SLC9B2: variants seen among roughly 807,000 people sequenced by gnomAD.
SLC9B2 encodes sodium/hydrogen exchanger 9B2.
Under a neutral mutation model 52.2 loss-of-function variants are expected in SLC9B2, and 39 were observed. That is an observed-to-expected ratio of 0.75 (90% CI 0.58 to 0.98). SLC9B2 has a LOEUF of 0.98. Ranked by LOEUF, SLC9B2 falls within the 50% of genes least tolerant of loss-of-function variation. The pLI is 0.00. For synonymous variants in SLC9B2, 214 were observed against 227.0 expected (o/e 0.94, Z 0.51); for missense variants, 626 against 637.5 (o/e 0.98, Z 0.19).
intron 1 of SLC9B2, among the ~76,000 whole-genome samples, chr4:103,074,256 G>C (rs1407873595): frequency 1.3e-5 from 2 of 152,174 alleles, no homozygotes; most frequent in Non-Finnish European, 2.9e-5. Flanking sequence ...ATATTACTGA[G>C]CTACTGAACA....
chr4:103,073,245 C>T (rs1036712533), intron 1 of SLC9B2, among the ~76,000 whole-genome samples: 1 of 152,076 alleles, frequency 6.6e-6, no homozygotes, highest in Non-Finnish European at 1.5e-5. Flanking sequence ...GTATTCATGC[C>T]TTTGAAAGAG....
chr4:103,072,081 TGGAGTTTCGCTC>T (rs1746703570), intron 1 of SLC9B2, among the ~76,000 whole-genome samples: 1 of 134,762 alleles, frequency 7.4e-6, no homozygotes. Context: ...TTTTTTGAGG[TGGAGTTTCGCTC>T]TTTTGCCCAG....
Position 103,027,788 on chromosome 4 carries a change from T to G in SLC9B2, c.1392+959A>C, listed in dbSNP as rs550826836. On this transcript the variant is annotated intron_variant, in intron 11 of 11. Transcript: ENST00000394785. ...ACTCTTAGCCATTATGTTTTAGACA[T>G]TTTTGAAAGTCTGATAGGGGTGAGG... Among the ~76,000 whole-genome samples the G allele has an allele frequency of 6.6e-5, 10 of 152,278 alleles. No homozygotes were observed. The East Asian group carries it at 1.9e-3, about 29-fold the overall frequency.
intron 4 of SLC9B2, among the ~76,000 whole-genome samples, chr4:103,054,283 A>G (rs780402102): frequency 3.9e-5 from 6 of 152,210 alleles, no homozygotes; most frequent in South Asian, 2.1e-4. Flanking sequence ...CTCAAAAACA[A>G]AACAAAACAA....
At chr4:103,055,666 C>A (rs1190631351) in intron 4 of SLC9B2, among the ~76,000 whole-genome samples, 1 of 151,168 alleles carries the variant, frequency 6.6e-6, no homozygotes, top group African/African-American at 2.4e-5. Context: ...AAAAAAAAAA[C>A]TGTTCAGGAA....
At chr4:103,059,176 T>C (rs1245202959) in intron 3 of SLC9B2, among the ~76,000 whole-genome samples, 1 of 152,190 alleles carries the variant, frequency 6.6e-6, no homozygotes, top group African/African-American at 2.4e-5. Flanking sequence ...TCAAAACTGG[T>C]GGCCAAAGCA....
rs982949328 is a variant in SLC9B2, at chr4:103,025,552, A to T, written c.*818T>A. The T allele has an allele frequency of 6.6e-6, 1 of 152,200 alleles. No individual in the cohort carries two copies. Among genetic ancestry groups the T allele is most frequent in the Non-Finnish European group, 1.5e-5 (1 of 68,036 alleles). 9.4% of individuals were successfully genotyped at this position (152,200 alleles called of 1,614,324 possible). Reference sequence around the variant, plus strand: ...GCACTGTATTTTTTATTTCTTCATTATAGCACATTACCCTAATGTAATATT... The same window carrying T: ...GCACTGTATTTTTTATTTCTTCATTTTAGCACATTACCCTAATGTAATATT... On this transcript the variant is annotated 3_prime_UTR_variant, in exon 12 of 12. Coordinates refer to ENST00000394785, the MANE Select transcript of SLC9B2 (RefSeq NM_178833.7).
At chr4:103,031,653 G>T in intron 10 of SLC9B2, 47 bp downstream of exon 10, 1 of 1,483,048 alleles carries the variant, frequency 6.7e-7, no homozygotes, top group South Asian at 1.2e-5. Flanking sequence ...TGAGTAGGCT[G>T]ACCAAAAAAA....
downstream of SLC9B2, among the ~76,000 whole-genome samples, chr4:103,021,906 C>T (rs1322608822): frequency 6.6e-6 from 1 of 152,220 alleles, no homozygotes; most frequent in Non-Finnish European, 1.5e-5. Flanking sequence ...TTACCCCATC[C>T]ATCCAGATCC....
chr4:103,020,588 C>T (rs1409065669), downstream of SLC9B2, among the ~76,000 whole-genome samples: 2 of 152,110 alleles, frequency 1.3e-5, no homozygotes, highest in Non-Finnish European at 2.9e-5. Flanking sequence ...AAGATCTGAT[C>T]CAAATTACCG....
downstream of SLC9B2, chr4:103,019,916 A>C: frequency 8.1e-6 from 8 of 987,530 alleles, no homozygotes; most frequent in Non-Finnish European, 9.6e-6. Context: ...AGTTGACATC[A>C]CTGGGCATTT....
downstream of SLC9B2, among the ~76,000 whole-genome samples, chr4:103,018,902 G>A (rs550919118): frequency 5.3e-5 from 8 of 152,320 alleles, no homozygotes; most frequent in East Asian, 1.5e-3. Context: ...TGTCAGATGA[G>A]CAAAGGCATT....
rs962834220 is a variant in SLC9B2 at position 103,025,343 on chromosome 4, T to C, written c.*1027A>G. ...AAGGTCATTGCCAAGGTCTGATTTT[T>C]CACAAAAAATTTTTGCAACCTCTGG... On this transcript the variant is annotated 3_prime_UTR_variant, in exon 12 of 12. Transcript: ENST00000394785. 1 of 152,118 alleles carries C rather than the reference T, an allele frequency of 6.6e-6. No individual in the cohort carries two copies. The highest frequency in any genetic ancestry group is 1.5e-5 in the Non-Finnish European group (1 of 68,024). The allele number at this position is 152,118 out of a possible 1,614,324, so 9.4% of individuals were successfully genotyped here.
At position 103,024,672 on chromosome 4, in the gene SLC9B2, C is replaced by T. The variant is rs142740079; in HGVS notation, c.*1698G>A. Among the ~76,000 whole-genome samples the T allele has an allele frequency of 2.2e-3, 333 of 152,024 alleles. 2 individuals are homozygous for T. The highest frequency in any genetic ancestry group is 7.5e-3 in the African/African-American group (309 of 41,450). On this transcript the variant is annotated 3_prime_UTR_variant, in exon 12 of 12. Transcript: ENST00000394785. ...TTAAAATGAACTTTGAATTCTAGGTCGAGGAGTTTAGATAGGATATGACAA... is the reference window on the plus strand; with the variant it reads ...TTAAAATGAACTTTGAATTCTAGGTTGAGGAGTTTAGATAGGATATGACAA...
chr4:103,034,335 C>T (rs1386863906), intron 9 of SLC9B2, among the ~76,000 whole-genome samples: 2 of 152,236 alleles, frequency 1.3e-5, no homozygotes, highest in Non-Finnish European at 2.9e-5. Context: ...AAATGTAAAA[C>T]CGAAAACTAC....
intron 8 of SLC9B2, 121 bp downstream of exon 8, chr4:103,044,769 T>C: frequency 1.2e-6 from 1 of 815,244 alleles, no homozygotes; most frequent in South Asian, 1.7e-5. Context: ...AGTAAGCAAT[T>C]TTAAAATGAG....
At chr4:103,027,275 G>A (rs1742307744) in intron 11 of SLC9B2, among the ~76,000 whole-genome samples, 1 of 151,962 alleles carries the variant, frequency 6.6e-6, no homozygotes, top group Non-Finnish European at 1.5e-5. Flanking sequence ...TTAGGAATGT[G>A]GAACTAAAAA....
chr4:103,069,894 G>A (rs899239346), intron 1 of SLC9B2, among the ~76,000 whole-genome samples: 5 of 152,198 alleles, frequency 3.3e-5, no homozygotes, highest in South Asian at 2.1e-4. Flanking sequence ...TGGTTAAAAT[G>A]AAGCCTTTGC....
At chr4:103,067,157 T>C (rs1265393857) in intron 2 of SLC9B2, among the ~76,000 whole-genome samples, 1 of 152,178 alleles carries the variant, frequency 6.6e-6, no homozygotes, top group Non-Finnish European at 1.5e-5. Flanking sequence ...TTGGCACATA[T>C]ACCAAAGTGG....
Sources: allele counts gnomAD v4.1 joint callset (sites outside exome capture counted in the v4.1 genomes callset), GRCh38; gene constraint gnomAD v4.1.1; transcripts MANE v1.5; gene names NCBI Gene and HGNC (gene_info 2026-07-23, HGNC 2026-07-21).